HEATR4: variants seen among roughly 807,000 people sequenced by gnomAD.
HEATR4 encodes the protein HEAT repeat-containing protein 4.
HEATR4 carries 95 observed loss-of-function variants against 108.8 expected under a neutral mutation model. That is an observed-to-expected ratio of 0.87 (90% confidence interval 0.74 to 1.04). The LOEUF (loss-of-function observed/expected upper bound fraction) is 1.04, where lower values mean the gene tolerates loss of function less well. Ranked by LOEUF, HEATR4 falls within the 50% of genes least tolerant of loss-of-function variation. The probability of loss-of-function intolerance (pLI) is 0.00; values close to 1 mark genes in which losing one functional copy is unlikely to be tolerated. For missense variants in HEATR4, 1,152 were observed against 1,253.8 expected (o/e 0.92, Z 1.23); for synonymous variants, 443 against 459.4 (o/e 0.96, Z 0.46).
In HEATR4 at chr14:73,514,220, G is replaced by A; in HGVS notation, c.1225C>T (p.Gln409Ter). 1 of 1,614,050 alleles carries A rather than the reference G, an allele frequency of 6.2e-7. No individual in the cohort carries two copies. Among genetic ancestry groups the A allele is most frequent in the Non-Finnish European group, 8.5e-7 (1 of 1,179,992 alleles). ...AAAGCAGTCCAGCGCAGGGCTCCTT[G>A]CACAGGTCTGTAAGCTGTGCAACGT... ...AIPEASYRPV[Q>*]GALRWTALPT... Residue 409 changes from glutamine (Q) to a stop codon, truncating the protein, a stop_gained, in exon 6 of 18, where the codon CAA (glutamine) becomes TAA (stop). Transcript: ENST00000553558. LOFTEE classifies it high-confidence loss of function.
At chr14:73,522,181 A>T in intron 3 of HEATR4, 91 bp downstream of exon 3, 3 of 1,331,230 alleles carry the variant, frequency 2.3e-6, no homozygotes. Context: ...GGGAGAGTGC[A>T]TTCTGAAATC....
chr14:73,551,898 G>A lies in HEATR4; in HGVS notation c.-152+6853C>T, dbSNP rs1202348727. ...AGGGAAGAAAGCCTCAGATGGGCAC[G>A]TATACAACTTCCTACACACACTGTG... On this transcript the variant is annotated intron_variant, in intron 1 of 17. Coordinates refer to ENST00000553558, the MANE Select transcript of HEATR4 (RefSeq NM_001220484.1). Among the ~76,000 whole-genome samples, 7 of 111,232 alleles carry A rather than the reference G, an allele frequency of 6.3e-5. 2 individuals carry two copies. The highest frequency in any genetic ancestry group is 9.7e-5 in the Non-Finnish European group (5 of 51,478). The allele number at this position is 111,232 out of a possible 152,430, so 73.0% of individuals were successfully genotyped here.
chr14:73,612,044 CTTT>C, the HEATR4 span, among the ~76,000 whole-genome samples: 4 of 142,384 alleles, frequency 2.8e-5, no homozygotes, highest in Admixed American at 7.1e-5. Context: ...GTCATTAACT[CTTT>C]TTTTTTTTTT....
the HEATR4 span, chr14:73,617,306 G>A: frequency 7.1e-7 from 1 of 1,416,602 alleles, no homozygotes; most frequent in Non-Finnish European, 1.0e-6. Context: ...GAGATACCAA[G>A]TCTCCTTCAA....
At chr14:73,619,919 C>CTTTT in the HEATR4 span, 74 of 1,174,720 alleles carry the variant, frequency 6.3e-5, no homozygotes, top group Admixed American at 7.1e-4. Context: ...TTTCTTTTCT[C>CTTTT]TTTTTTTTTT....
intron 17 of HEATR4, among the ~76,000 whole-genome samples, chr14:73,485,555 A>G (rs1053182842): frequency 4.6e-5 from 7 of 151,930 alleles, no homozygotes; most frequent in African/African-American, 1.7e-4. Context: ...GGTGTACATC[A>G]CCATGCCTGG....
At chr14:73,612,848 C>T in the HEATR4 span, 8 of 1,421,170 alleles carry the variant, frequency 5.6e-6, no homozygotes, top group South Asian at 9.3e-5. Context: ...CTTGGTGCGG[C>T]TGGTGAAGCG....
chr14:73,536,400 T>C (rs1361337873), intron 1 of HEATR4, among the ~76,000 whole-genome samples: 1 of 108,120 alleles, frequency 9.2e-6, no homozygotes, highest in Middle Eastern at 4.3e-3. Context: ...TTGAGGTGTT[T>C]GAGAGGCTGA....
chr14:73,497,149 G>A (rs1886155449), intron 14 of HEATR4, among the ~76,000 whole-genome samples: 1 of 152,142 alleles, frequency 6.6e-6, no homozygotes, highest in Non-Finnish European at 1.5e-5. Context: ...ACCCGCCTTG[G>A]CCTCCCAAAG....
Position 73,493,845 on chromosome 14 carries a change from AAAAC to A in HEATR4, c.2786-725_2786-722del, listed in dbSNP as rs369882297. ...AGAGCGAGACTCCGTCTCAAAAACA[AAAAC>A]AAAAACAAAAAAGAATCTTATCTGA... On this transcript the variant is annotated intron_variant, in intron 16 of 17. Transcript: ENST00000553558. Among the ~76,000 whole-genome samples the A allele has an allele frequency of 7.8e-4, 119 of 152,328 alleles. 2 individuals are homozygous for A. In the South Asian group the frequency reaches 0.024, roughly 31 times the overall value.
At position 73,543,682 on chromosome 14, in the gene HEATR4, G is replaced by C. The variant is rs537891117; in HGVS notation, c.-151-13438C>G. 3,368 of 701,020 alleles carry C rather than the reference G, an allele frequency of 4.8e-3. 639 individuals are homozygous for C. In the African/African-American group the frequency reaches 0.057, roughly 12 times the overall value. 43.4% of individuals were successfully genotyped at this position (701,020 alleles called of 1,614,324 possible). On this transcript the variant is annotated intron_variant, in intron 1 of 17. Transcript: ENST00000553558. ...TTTTATTTGATCATGTGGCCTCTCTGTTGCTAATCTCTCCTGGAAACATCT... is the reference window on the plus strand; with the variant it reads ...TTTTATTTGATCATGTGGCCTCTCTCTTGCTAATCTCTCCTGGAAACATCT...
chr14:73,580,055 G>A, the HEATR4 span, among the ~76,000 whole-genome samples: 1 of 152,008 alleles, frequency 6.6e-6, no homozygotes, highest in Non-Finnish European at 1.5e-5. Context: ...CCAAGATTGT[G>A]TTACTGCACT....
the HEATR4 span, chr14:73,571,798 A>T: frequency 1.5e-4 from 23 of 152,222 alleles, no homozygotes; most frequent in African/African-American, 5.5e-4. Flanking sequence ...GAATTCGCAC[A>T]GTATGTTAAG....
At chr14:73,559,832 C>T (rs1889486349), upstream of HEATR4, among the ~76,000 whole-genome samples, 1 of 152,096 alleles carries the variant, frequency 6.6e-6, no homozygotes, top group Non-Finnish European at 1.5e-5. Flanking sequence ...AGAGGCAAAG[C>T]AGGGAACACA....
the HEATR4 span, among the ~76,000 whole-genome samples, chr14:73,576,970 GC>G: frequency 0.025 from 3,241 of 131,724 alleles, 58 homozygotes; most frequent in African/African-American, 0.043. Context: ...TCACTCTGTT[GC>G]CCAGGCTGGA....
chr14:73,595,169 G>T, the HEATR4 span: 1 of 1,614,232 alleles, frequency 6.2e-7, no homozygotes, highest in Non-Finnish European at 8.5e-7. Context: ...TGGGATCAGT[G>T]GGAACACAGC....
chr14:73,612,095 A>G, the HEATR4 span, among the ~76,000 whole-genome samples: 2 of 150,980 alleles, frequency 1.3e-5, no homozygotes, highest in East Asian at 3.9e-4. Flanking sequence ...AGGCTGGAGT[A>G]CAATGGTGCA....
chr14:73,492,620 C>T lies in HEATR4; in HGVS notation c.2844+446G>A. On this transcript the variant is annotated intron_variant, in intron 17 of 17. Transcript: ENST00000553558. The surrounding 1 kb of genome is among the most constrained non-coding windows in gnomAD (Gnocchi z 4.9). Reference sequence around the variant, plus strand: ...TCCAATTCGCTGGGAGGCTGGAGAACCTGTAAACGTGGGGGCCCAGTTGAC... The same window carrying T: ...TCCAATTCGCTGGGAGGCTGGAGAATCTGTAAACGTGGGGGCCCAGTTGAC... 6.2e-7 allele frequency: 1 copy of T among 1,613,824 alleles called. No individual in the cohort carries two copies. Among genetic ancestry groups the T allele is most frequent in the Non-Finnish European group, 8.5e-7 (1 of 1,179,872 alleles).
At chr14:73,529,015 A>C (rs531017908) in intron 2 of HEATR4, 19 of 152,248 alleles carry the variant, frequency 1.2e-4, no homozygotes, top group African/African-American at 4.6e-4. Context: ...CTAGAACCAA[A>C]AGCAGAGTGG....
Sources: allele counts gnomAD v4.1 joint callset (sites outside exome capture counted in the v4.1 genomes callset), GRCh38; gene constraint gnomAD v4.1.1; non-coding constraint Gnocchi (gnomAD v3.1); transcripts MANE v1.5; gene names NCBI Gene and HGNC (gene_info 2026-07-23, HGNC 2026-07-21).